ABL2: variants seen among roughly 807,000 people sequenced by gnomAD.
ABL2 encodes ABL proto-oncogene 2, non-receptor tyrosine kinase.
In ABL2, 49 loss-of-function variants were observed where a neutral mutation model predicts 107.7. That is an observed-to-expected ratio of 0.45 (90% CI 0.36 to 0.58). The LOEUF (loss-of-function observed/expected upper bound fraction) is 0.58, where lower values mean the gene tolerates loss of function less well. ABL2 is among the 20% of genes least tolerant of loss of function. The pLI is 0.00. For synonymous variants in ABL2, 549 were observed against 548.6 expected (o/e 1.00, Z -0.01); for missense variants, 1,245 against 1,457.0 (o/e 0.85, Z 2.37).
chr1:179,208,245 C>T (rs1349681491), intron 1 of ABL2, among the ~76,000 whole-genome samples: 1 of 151,962 alleles, frequency 6.6e-6, no homozygotes, highest in African/African-American at 2.4e-5. Context: ...TACGAATAAT[C>T]CTGTCACTCA....
intron 1 of ABL2, among the ~76,000 whole-genome samples, chr1:179,187,853 T>C (rs1212723744): frequency 6.6e-6 from 1 of 152,206 alleles, no homozygotes; most frequent in Non-Finnish European, 1.5e-5. Flanking sequence ...CCCAAGAGTT[T>C]ATTGTCCACA....
At chr1:179,204,337 T>G (rs1490020235) in intron 1 of ABL2, among the ~76,000 whole-genome samples, 1 of 152,056 alleles carries the variant, frequency 6.6e-6, no homozygotes, top group Non-Finnish European at 1.5e-5. Context: ...AAATATTTCC[T>G]TTTACATGCT....
intron 1 of ABL2, among the ~76,000 whole-genome samples, chr1:179,202,495 G>T (rs1298193468): frequency 6.6e-6 from 1 of 152,128 alleles, no homozygotes; most frequent in Admixed American, 6.5e-5. Context: ...AACATCACAA[G>T]AATATTTTAC....
At chr1:179,188,317 A>G (rs1268654806) in intron 1 of ABL2, among the ~76,000 whole-genome samples, 10 of 152,144 alleles carry the variant, frequency 6.6e-5, no homozygotes, top group Admixed American at 1.3e-4. Flanking sequence ...CAAGCTAGGT[A>G]GATCACCTAA....
At chr1:179,144,419 C>G (rs1657853624) in intron 1 of ABL2, among the ~76,000 whole-genome samples, 1 of 152,134 alleles carries the variant, frequency 6.6e-6, no homozygotes, top group East Asian at 1.9e-4. Flanking sequence ...AAGATCGCGC[C>G]ACTGCACTCC....
At chr1:179,148,497 C>G (rs955733458) in intron 1 of ABL2, among the ~76,000 whole-genome samples, 2 of 152,190 alleles carry the variant, frequency 1.3e-5, no homozygotes, top group African/African-American at 4.8e-5. Context: ...TGGGGCGCCA[C>G]AAACTGCGCC....
Position 179,229,652 on chromosome 1 carries a change from GCCACCGCCGCCGCCA to G in ABL2, c.-270_-256del. 1 of 463,204 alleles carries G rather than the reference GCCACCGCCGCCGCCA, an allele frequency of 2.2e-6. No homozygotes were observed. Among genetic ancestry groups the G allele is most frequent in the Non-Finnish European group, 3.7e-6 (1 of 270,758 alleles). 28.7% of individuals were successfully genotyped at this position (463,204 alleles called of 1,614,324 possible). A position where few individuals can be genotyped will look rare whatever the true frequency, so the allele number is the denominator to read the frequency against. On this transcript the variant is annotated 5_prime_UTR_variant, in exon 1 of 12. An upstream start codon of the reference 5' UTR is lost. Transcript: ENST00000502732. ...CCCCAACGCCGCCGCCGCCGCCGCCGCCACCGCCGCCGCCATCTTTAAACCACCGAGCGCTGGGAA... is the reference window on the plus strand; with the variant it reads ...CCCCAACGCCGCCGCCGCCGCCGCCGTCTTTAAACCACCGAGCGCTGGGAA...
At chr1:179,175,836 G>C (rs1285279271) in intron 1 of ABL2, among the ~76,000 whole-genome samples, 1 of 146,834 alleles carries the variant, frequency 6.8e-6, no homozygotes, top group African/African-American at 2.5e-5. Flanking sequence ...TAGACAAGTA[G>C]ACACATTCTT....
rs574260109 is a variant in ABL2 at position 179,150,372 on chromosome 1, G to C, written c.158-16998C>G. Among the ~76,000 whole-genome samples, 17 of 152,238 alleles carry C rather than the reference G, an allele frequency of 1.1e-4. No individual in the cohort carries two copies. In the East Asian group the frequency reaches 3.1e-3, roughly 28 times the overall value. On this transcript the variant is annotated intron_variant, in intron 1 of 11. Transcript: ENST00000502732. ...AGAGCATTCATCATTCATGGGAAGA[G>C]GTCAAAATAGCAACACTAACAAGAG...
rs1164428070 is a variant in ABL2, at chr1:179,121,472, C to A, written c.960+123G>T. The stretch of plus-strand genomic sequence containing the variant: ...CACTAGGGTTAATCATCTCAATTTG[C>A]TGATGTGCTTGGCACTAGTGGGTGG... On this transcript the variant is annotated intron_variant, in intron 5 of 11. Coordinates refer to ENST00000502732, the MANE Select transcript of ABL2 (RefSeq NM_007314.4). 2.4e-6 allele frequency: 3 copies of A among 1,275,006 alleles called. No individual in the cohort carries two copies. The East Asian group carries it at 7.0e-5, about 30-fold the overall frequency. 79.0% of individuals were successfully genotyped at this position (1,275,006 alleles called of 1,614,324 possible).
intron 4 of ABL2, 110 bp from the exon 5 acceptor site, chr1:179,121,977 G>A: frequency 9.3e-7 from 1 of 1,070,860 alleles, no homozygotes. Flanking sequence ...CCAGGCTGGA[G>A]TGCACTGGCG....
intron 1 of ABL2, among the ~76,000 whole-genome samples, chr1:179,224,532 G>C (rs1056093696): frequency 6.6e-6 from 1 of 151,548 alleles, no homozygotes; most frequent in Non-Finnish European, 1.5e-5. Context: ...GCCTCCCAAA[G>C]TGCTGGGATT....
Position 179,109,152 on chromosome 1 carries a change from A to G in ABL2, c.2115T>C (p.Pro705=). The change falls in exon 12 of 12, where the codon CCT becomes CCC. Residue 705 remains proline, a synonymous_variant. Transcript: ENST00000502732. ...LQHADGFSFT[P]AQQEANLVPP... ...GCACCAGATTCGCCTCTTGCTGGGC[A>G]GGAGTGAAAGAGAACCCATCAGCAT... 9.3e-6 allele frequency: 15 copies of G among 1,611,968 alleles called. No homozygotes were observed. The highest frequency in any genetic ancestry group is 1.3e-5 in the Non-Finnish European group (15 of 1,179,664).
At chr1:179,189,424 G>A (rs747771722) in intron 1 of ABL2, among the ~76,000 whole-genome samples, 1 of 152,088 alleles carries the variant, frequency 6.6e-6, no homozygotes, top group Non-Finnish European at 1.5e-5. Context: ...ATGAGCCACC[G>A]CGCCCTGCCC....
At chr1:179,110,963 G>C (rs1654004530) in intron 10 of ABL2, 1 of 834,618 alleles carries the variant, frequency 1.2e-6, no homozygotes. Context: ...GCTAAAATTT[G>C]ATGTTATTAT....
chr1:179,180,990 T>C (rs577329190), intron 1 of ABL2, among the ~76,000 whole-genome samples: 52 of 152,186 alleles, frequency 3.4e-4, no homozygotes, highest in Non-Finnish European at 7.1e-4. Context: ...CAACATCCAA[T>C]AACCAACTAT....
At chr1:179,167,462 A>G (rs1446069171) in intron 1 of ABL2, among the ~76,000 whole-genome samples, 1 of 152,220 alleles carries the variant, frequency 6.6e-6, no homozygotes, top group Non-Finnish European at 1.5e-5. Context: ...TAAAAATTCT[A>G]ATGTTCATTA....
At chr1:179,195,654 ATAAAGAAAATGGG>A (rs1417887745) in intron 1 of ABL2, among the ~76,000 whole-genome samples, 17 of 152,348 alleles carry the variant, frequency 1.1e-4, no homozygotes, top group Admixed American at 5.2e-4. Flanking sequence ...AGATGAGTGG[ATAAAGAAAATGGG>A]CTACATACAC....
chr1:179,159,929 C>T (rs138851763), intron 1 of ABL2, among the ~76,000 whole-genome samples: 1,899 of 152,164 alleles, frequency 0.012, 42 homozygotes, highest in African/African-American at 0.042. Context: ...GCCTGGCCAA[C>T]GTGGTGAAAC....
Sources: gnomAD v4.1 joint callset for allele counts (sites outside exome capture counted in the v4.1 genomes callset) on GRCh38, gnomAD v4.1.1 for gene constraint, MANE v1.5 for transcripts, NCBI Gene and HGNC (gene_info 2026-07-23, HGNC 2026-07-21) for gene names.